The following TSHR variants were observed in gnomAD, a reference collection of about 807,000 sequenced individuals.
TSHR encodes the protein thyrotropin receptor.
In TSHR, 51 loss-of-function variants were observed where a neutral mutation model predicts 64.1. The observed-to-expected ratio is 0.80, with a 90% CI of 0.64 to 1.01. The LOEUF (loss-of-function observed/expected upper bound fraction) is 1.01. Among genes scored for constraint, TSHR ranks in the 50% least tolerant of loss-of-function variants. The probability of loss-of-function intolerance (pLI) is 0.00; values close to 1 mark genes in which losing one functional copy is unlikely to be tolerated. For missense variants in TSHR, 877 were observed against 942.8 expected (o/e 0.93, Z 0.91); for synonymous variants, 361 against 361.9 (o/e 1.00, Z 0.03).
intron 9 of TSHR, among the ~76,000 whole-genome samples, chr14:81,141,058 G>A (rs906822264): frequency 2.6e-5 from 4 of 152,220 alleles, no homozygotes; most frequent in East Asian, 1.9e-4. Context: ...CCCGGTAGGC[G>A]GAGGTTGCAG....
At chr14:81,134,562 G>T (rs933880502) in intron 8 of TSHR, among the ~76,000 whole-genome samples, 1 of 152,074 alleles carries the variant, frequency 6.6e-6, no homozygotes, top group Non-Finnish European at 1.5e-5. Flanking sequence ...CAAAAATACG[G>T]CAATAAACAG....
chr14:81,108,389 A>G lies in TSHR; in HGVS notation c.629A>G (p.Asn210Ser). 1 of 1,613,526 alleles carries G rather than the reference A, an allele frequency of 6.2e-7. No homozygotes were observed. Among genetic ancestry groups the G allele is most frequent in the Non-Finnish European group, 8.5e-7 (1 of 1,179,688 alleles). Residue 210 changes from asparagine (N) to serine (S), a missense_variant, in exon 8 of 10, where the codon AAT (asparagine) becomes AGT (serine). By Grantham distance (46) the Asn-to-Ser change is conservative. Transcript: ENST00000298171. The stretch of plus-strand genomic sequence containing the variant: ...TCTCCCTCTAGTTACCTAAACAAGA[A>G]TAAATACCTGACAGTTATTGACAAA... The part of the protein sequence containing the change: ...TKLDAVYLNK[N>S]KYLTVIDKDA...
chr14:81,062,303 T>C (rs1886303206), intron 2 of TSHR, 84 bp downstream of exon 2: 1 of 999,802 alleles, frequency 1.0e-6, no homozygotes, highest in East Asian at 2.5e-5. Context: ...ATACTTGGTA[T>C]TATACTTGCA....
chr14:80,971,734 C>T (rs974849726), intron 1 of TSHR, among the ~76,000 whole-genome samples: 2 of 152,194 alleles, frequency 1.3e-5, no homozygotes, highest in Non-Finnish European at 2.9e-5. Flanking sequence ...CTTGGACATA[C>T]TCCTGTCAGT....
chr14:80,964,258 G>A (rs1239725926), intron 1 of TSHR, among the ~76,000 whole-genome samples: 4 of 152,186 alleles, frequency 2.6e-5, no homozygotes, highest in Non-Finnish European at 5.9e-5. Flanking sequence ...ATTCAGACAT[G>A]ATATCAGAGG....
chr14:81,108,743 G>C, intron 8 of TSHR: 2 of 1,610,878 alleles, frequency 1.2e-6, no homozygotes, highest in Admixed American at 1.7e-5. Flanking sequence ...TGGAGCAGCT[G>C]CTGTTTGAAA....
intron 1 of TSHR, among the ~76,000 whole-genome samples, chr14:80,959,075 C>A (rs1886873771): frequency 6.6e-6 from 1 of 152,134 alleles, no homozygotes; most frequent in African/African-American, 2.4e-5. Context: ...CTACCCATAT[C>A]CCAGCCCCGT....
intron 6 of TSHR, among the ~76,000 whole-genome samples, chr14:81,095,734 T>C (rs1481086405): frequency 6.6e-6 from 1 of 152,060 alleles, no homozygotes; most frequent in Non-Finnish European, 1.5e-5. Context: ...TAATTAGTCA[T>C]AGAAACACAG....
At chr14:81,120,152 A>C in intron 8 of TSHR, among the ~76,000 whole-genome samples, 1 of 151,020 alleles carries the variant, frequency 6.6e-6, no homozygotes, top group East Asian at 2.0e-4. Context: ...CACAATGTGC[A>C]CATGTACCCT....
chr14:81,001,071 A>G (rs1410540996), intron 1 of TSHR: 2 of 162,126 alleles, frequency 1.2e-5, no homozygotes, highest in African/African-American at 4.8e-5. Flanking sequence ...AACACAGAAC[A>G]GTACTTCTTT....
chr14:81,143,385 C>A lies in TSHR; in HGVS notation c.1327C>A (p.His443Asn), dbSNP rs1315007226. ...TGTCCTGCTTATTCTCCTCACCAGCCACTACAAACTGAACGTCCCCCGCTT... is the reference window on the plus strand; with the variant it reads ...TGTCCTGCTTATTCTCCTCACCAGCAACTACAAACTGAACGTCCCCCGCTT... ...VFVLLILLTSHYKLNVPRFLM... is the reference protein window; with the variant it reads ...VFVLLILLTSNYKLNVPRFLM... The change falls in exon 10 of 10, where the codon CAC becomes AAC. Residue 443 changes from histidine to asparagine, a missense_variant. Transcript: ENST00000298171. 6.2e-7 allele frequency: 1 copy of A among 1,614,064 alleles called. No individual in the cohort carries two copies. Among genetic ancestry groups the A allele is most frequent in the African/African-American group, 1.3e-5 (1 of 74,932 alleles).
chr14:80,974,516 T>C (rs534808582), intron 1 of TSHR, among the ~76,000 whole-genome samples: 7 of 152,174 alleles, frequency 4.6e-5, no homozygotes, highest in Admixed American at 2.6e-4. Context: ...GTTGGCCTTA[T>C]GTAGCATAAC....
rs777223874 is a variant in TSHR, at chr14:81,139,726, A to C, written c.740A>C (p.Glu247Ala). Residue 247 changes from glutamate (E) to alanine (A), a missense_variant, in exon 9 of 10, where the codon GAG (glutamate) becomes GCG (alanine). Coordinates refer to ENST00000298171, the MANE Select transcript of TSHR (RefSeq NM_000369.5). ...SVTALPSKGLEHLKELIARNT... is the reference protein window; with the variant it reads ...SVTALPSKGLAHLKELIARNT... ...ACTGCCCTTCCATCCAAAGGCCTGGAGCACCTGAAGGAACTGATAGCAAGA... is the reference window on the plus strand; with the variant it reads ...ACTGCCCTTCCATCCAAAGGCCTGGCGCACCTGAAGGAACTGATAGCAAGA... 1 of 1,614,198 alleles carries C rather than the reference A, an allele frequency of 6.2e-7. No homozygotes were observed. Among genetic ancestry groups the C allele is most frequent in the South Asian group, 1.1e-5 (1 of 91,086 alleles).
intron 6 of TSHR, 76 bp from the exon 7 acceptor site, chr14:81,096,563 A>G (rs1889205054): frequency 7.0e-7 from 1 of 1,435,312 alleles, no homozygotes; most frequent in South Asian, 1.2e-5. Flanking sequence ...CTGAAGAAAT[A>G]TAGTCCAACT....
chr14:81,108,292 A>T (rs1890029016), intron 7 of TSHR, 83 bp from the exon 8 acceptor site: 2 of 1,145,254 alleles, frequency 1.7e-6, no homozygotes, highest in Admixed American at 3.4e-5. Flanking sequence ...GTCACATTTT[A>T]TTCTGATATT....
intron 1 of TSHR, among the ~76,000 whole-genome samples, chr14:80,984,699 T>G (rs558647953): frequency 1.8e-4 from 27 of 152,306 alleles, no homozygotes; most frequent in Admixed American, 1.5e-3. Context: ...TCCACATGCA[T>G]GTGTCCATCA....
At chr14:81,070,493 G>T (rs1343082826) in intron 3 of TSHR, among the ~76,000 whole-genome samples, 3 of 151,784 alleles carry the variant, frequency 2.0e-5, no homozygotes, top group African/African-American at 7.3e-5. Context: ...CGGGCATGGT[G>T]GTGTGTCCCT....
intron 1 of TSHR, chr14:80,957,817 A>T (rs1183823645): frequency 6.6e-6 from 1 of 152,190 alleles, no homozygotes; most frequent in Non-Finnish European, 1.5e-5. Context: ...GGTAAAAGAG[A>T]ATGTTCAACT....
intron 2 of TSHR, among the ~76,000 whole-genome samples, chr14:81,064,927 G>T (rs1886501739): frequency 6.6e-6 from 1 of 152,100 alleles, no homozygotes; most frequent in Non-Finnish European, 1.5e-5. Context: ...GAGGAAGATG[G>T]TCACTTTTTA....
Sources: allele counts gnomAD v4.1 joint callset (sites outside exome capture counted in the v4.1 genomes callset), GRCh38; gene constraint gnomAD v4.1.1; transcripts MANE v1.5; gene names NCBI Gene and HGNC (gene_info 2026-07-23, HGNC 2026-07-21).